TLL2: variants seen among roughly 807,000 people sequenced by gnomAD.
The protein encoded by TLL2 is tolloid like 2, also known as tolloid-like protein 2.
Under a neutral mutation model 123.0 loss-of-function variants are expected in TLL2, and 106 were observed. The ratio of observed to expected loss-of-function variants is 0.86; its 90% CI spans 0.74 to 1.01. The LOEUF is 1.01. TLL2 is among the 50% of genes least tolerant of loss of function. The probability of loss-of-function intolerance (pLI) is 0.00; values close to 1 mark genes in which losing one functional copy is unlikely to be tolerated. For synonymous variants in TLL2, 494 were observed against 516.8 expected, an observed-to-expected ratio of 0.96 and a Z score of 0.60; for missense variants, 1,332 against 1,336.7, an observed-to-expected ratio of 1.00 and a Z score of 0.06.
intron 2 of TLL2, among the ~76,000 whole-genome samples, chr10:96,472,487 T>A (rs1847193338): frequency 6.6e-6 from 1 of 152,092 alleles, no homozygotes; most frequent in Non-Finnish European, 1.5e-5. Flanking sequence ...TTGGGCTGAG[T>A]GCAGTGGCTC....
At chr10:96,463,159 G>C (rs189179862) in intron 2 of TLL2, among the ~76,000 whole-genome samples, 3 of 152,332 alleles carry the variant, frequency 2.0e-5, no homozygotes, top group Non-Finnish European at 4.4e-5. Flanking sequence ...AGAAGGGAGA[G>C]GTGTTCGATT....
chr10:96,414,140 G>A (rs749951174), intron 7 of TLL2, among the ~76,000 whole-genome samples: 2 of 152,116 alleles, frequency 1.3e-5, no homozygotes, highest in Admixed American at 6.5e-5. Flanking sequence ...TTTACATCCC[G>A]CCTGCTGCCT....
Position 96,420,973 on chromosome 10 carries a change from G to A in TLL2, c.906C>T (p.Ala302=). 6.2e-7 allele frequency: 1 copy of A among 1,614,012 alleles called. No homozygotes were observed. The highest frequency in any genetic ancestry group is 8.5e-7 in the Non-Finnish European group (1 of 1,179,960). The change falls in exon 7 of 21, where the codon GCC becomes GCT. Residue 302 remains alanine, a synonymous_variant. Coordinates refer to ENST00000357947, the MANE Select transcript of TLL2 (RefSeq NM_012465.4). ...TYDFDSIMHY[A]RNTFSRGVFL... ...ATTCCGACCTTGAGAAGGTGTTCCGGGCGTAGTGCATGATGCTGTCAAAGT... is the reference window on the plus strand; with the variant it reads ...ATTCCGACCTTGAGAAGGTGTTCCGAGCGTAGTGCATGATGCTGTCAAAGT...
At chr10:96,499,822 T>C (rs1847514133) in intron 1 of TLL2, among the ~76,000 whole-genome samples, 1 of 151,828 alleles carries the variant, frequency 6.6e-6, no homozygotes, top group Non-Finnish European at 1.5e-5. Context: ...GCAGAAGAAA[T>C]ACAAACAATC....
At chr10:96,453,823 G>C (rs1484534124) in intron 2 of TLL2, among the ~76,000 whole-genome samples, 2 of 152,120 alleles carry the variant, frequency 1.3e-5, no homozygotes, top group African/African-American at 2.4e-5. Flanking sequence ...ATGCTGGATG[G>C]AAATCACCAC....
chr10:96,381,777 T>C (rs1395301566), intron 16 of TLL2, among the ~76,000 whole-genome samples: 3 of 152,146 alleles, frequency 2.0e-5, no homozygotes, highest in Admixed American at 6.5e-5. Context: ...GCAGCAGCTC[T>C]GAGCCTAGTA....
intron 11 of TLL2, among the ~76,000 whole-genome samples, chr10:96,396,864 G>C (rs564760179): frequency 6.6e-6 from 1 of 152,284 alleles, no homozygotes; most frequent in African/African-American, 2.4e-5. Flanking sequence ...CAATTCAGAG[G>C]CTGCTATCAT....
chr10:96,405,130 G>T, intron 10 of TLL2, 102 bp downstream of exon 10: 2 of 1,062,874 alleles, frequency 1.9e-6, no homozygotes, highest in Non-Finnish European at 2.9e-6. Context: ...AGGCCCTTGA[G>T]AGTTTCCTGT....
intron 17 of TLL2, 32 bp downstream of exon 17, chr10:96,378,935 C>T (rs765439021): frequency 6.8e-6 from 11 of 1,611,420 alleles, no homozygotes; most frequent in Admixed American, 3.3e-5. Context: ...AAGGGCAGCC[C>T]GCCCCCCCAA....
intron 2 of TLL2, among the ~76,000 whole-genome samples, chr10:96,468,330 GC>G (rs143295598): frequency 0.014 from 2,134 of 152,286 alleles, 54 homozygotes; most frequent in African/African-American, 0.048. Context: ...AGGGGACACT[GC>G]AGCCAAGGGA....
intron 7 of TLL2, 37 bp from the exon 8 acceptor site, chr10:96,413,353 A>G (rs566643645): frequency 6.2e-7 from 1 of 1,601,610 alleles, no homozygotes; most frequent in South Asian, 1.1e-5. Flanking sequence ...AGAAAAGTCA[A>G]GGCCATCAGG....
intron 13 of TLL2, 116 bp from the exon 14 acceptor site, chr10:96,387,194 C>T (rs1846244691): frequency 1.6e-5 from 23 of 1,433,016 alleles, no homozygotes; most frequent in Non-Finnish European, 2.1e-5. Context: ...GGAGCCACTC[C>T]TGGTGACCAC....
chr10:96,493,189 C>T (rs7100431), intron 1 of TLL2, among the ~76,000 whole-genome samples: 1,914 of 152,300 alleles, frequency 0.013, 43 homozygotes, highest in African/African-American at 0.044. Context: ...GGACTGTAGG[C>T]ACAGAGAGAT....
At chr10:96,400,285 A>G (rs1179996170) in intron 10 of TLL2, among the ~76,000 whole-genome samples, 1 of 150,930 alleles carries the variant, frequency 6.6e-6, no homozygotes, top group Non-Finnish European at 1.5e-5. Flanking sequence ...AAGTAAGAGC[A>G]GGATTTGAAC....
chr10:96,419,002 G>A (rs1392600295), intron 7 of TLL2, among the ~76,000 whole-genome samples: 2 of 152,086 alleles, frequency 1.3e-5, no homozygotes, highest in Non-Finnish European at 2.9e-5. Flanking sequence ...GTAGCAGCCT[G>A]TAACTCCTGG....
rs2096171106 is a variant in TLL2, at chr10:96,365,470, A to C, written c.*2618T>G. ...AAACCCAGACCCCAAATCCTTCATT[A>C]GCCTGTTGTCCTAAGACAATTCTCT... On this transcript the variant is annotated 3_prime_UTR_variant, in exon 21 of 21. Transcript: ENST00000357947. The C allele has an allele frequency of 6.6e-6, 1 of 152,260 alleles. No homozygotes were observed. The highest frequency in any genetic ancestry group is 2.4e-5 in the African/African-American group (1 of 41,460). The allele number at this position is 152,260 out of a possible 1,614,324, so 9.4% of individuals were successfully genotyped here.
At chr10:96,438,042 G>T (rs1335145215) in intron 3 of TLL2, among the ~76,000 whole-genome samples, 1 of 152,124 alleles carries the variant, frequency 6.6e-6, no homozygotes, top group African/African-American at 2.4e-5. Flanking sequence ...AGCCTTATAT[G>T]GGGTAGAGTG....
At chr10:96,400,176 T>C (rs1482877274) in intron 10 of TLL2, among the ~76,000 whole-genome samples, 1 of 152,162 alleles carries the variant, frequency 6.6e-6, no homozygotes, top group Non-Finnish European at 1.5e-5. Context: ...ACATGGATTA[T>C]CTCATTTCAT....
chr10:96,415,811 A>T (rs375150321), intron 7 of TLL2, among the ~76,000 whole-genome samples: 2 of 43,384 alleles, frequency 4.6e-5, no homozygotes, highest in East Asian at 6.0e-4. Context: ...TCTGCACTAC[A>T]TTAGAAAATA....
Sources: allele counts gnomAD v4.1 joint callset (sites outside exome capture counted in the v4.1 genomes callset), GRCh38; gene constraint gnomAD v4.1.1; transcripts MANE v1.5; gene names NCBI Gene and HGNC (gene_info 2026-07-23, HGNC 2026-07-21).